Variants in AFAP1L2 observed in about 807,000 individuals in gnomAD.
AFAP1L2 encodes the protein actin filament-associated protein 1-like 2.
A neutral mutation model predicts 99.3 loss-of-function variants in AFAP1L2; 46 were observed. The observed-to-expected ratio is 0.46, with a 90% CI of 0.37 to 0.59. AFAP1L2 has a LOEUF of 0.59. Among genes scored for constraint, AFAP1L2 ranks in the 20% least tolerant of loss-of-function variants. The probability of loss-of-function intolerance (pLI) is 0.00; values close to 1 mark genes in which losing one functional copy is unlikely to be tolerated. For missense variants in AFAP1L2, 959 were observed against 1,034.9 expected (o/e 0.93, Z 1.01); for synonymous variants, 397 against 419.1 (o/e 0.95, Z 0.64).
chr10:114,297,467 G>T, intron 16 of AFAP1L2, 54 bp from the exon 17 acceptor site: 12 of 1,568,406 alleles, frequency 7.7e-6, no homozygotes, highest in Non-Finnish European at 1.0e-5. Context: ...CCAGGCCAGG[G>T]AGCCCTGCTG....
At chr10:114,335,854 C>G (rs558989172) in intron 2 of AFAP1L2, among the ~76,000 whole-genome samples, 1 of 152,060 alleles carries the variant, frequency 6.6e-6, no homozygotes, top group Non-Finnish European at 1.5e-5. Flanking sequence ...ATAAAAATAA[C>G]GTAAAGCAGA....
At position 114,304,905 on chromosome 10, in the gene AFAP1L2, G is replaced by A. The variant is rs7075067; in HGVS notation, c.1098C>T (p.Ser366=). ...CAGAGCACCAGCGAGACTTCCACTG[G>A]CTGTTCACCAGCACGTTCAGGTAAC... ...TSSYLNVLVN[S]QWKSRWCSVR... Residue 366 remains serine, a synonymous_variant, in exon 11 of 19, where the codon AGC becomes AGT. Coordinates refer to ENST00000304129, the MANE Select transcript of AFAP1L2 (RefSeq NM_001001936.3). 2 of 1,613,226 alleles carry A rather than the reference G, an allele frequency of 1.2e-6. No individual in the cohort carries two copies. Among genetic ancestry groups the A allele is most frequent in the Non-Finnish European group, 8.5e-7 (1 of 1,180,026 alleles).
intron 6 of AFAP1L2, 35 bp downstream of exon 6, chr10:114,315,525 G>T: frequency 6.2e-7 from 1 of 1,603,756 alleles, no homozygotes; most frequent in East Asian, 2.2e-5. Context: ...CCAAGGAGAG[G>T]AGTCGGGGGA....
At position 114,302,561 on chromosome 10, in the gene AFAP1L2, ACCGTAC is replaced by A. The variant is rs1021733131; in HGVS notation, c.1285-83_1285-78del. ...GCCAGCCCCTCCCCACCAGGCCATG[ACCGTAC>A]CCCTACCCCTGAGCCTGCCCACGAA... On this transcript the variant is annotated intron_variant, in intron 11 of 18. Transcript: ENST00000304129. The A allele has an allele frequency of 8.2e-6, 13 of 1,576,134 alleles. No individual in the cohort carries two copies. In the African/African-American group the frequency reaches 1.6e-4, roughly 20 times the overall value.
chr10:114,396,767 C>T (rs183454708), intron 1 of AFAP1L2, among the ~76,000 whole-genome samples: 301 of 152,324 alleles, frequency 2.0e-3, no homozygotes, highest in Non-Finnish European at 3.5e-3. Flanking sequence ...CTCTTATATT[C>T]CATGGTCCTC....
chr10:114,290,349 C>T, downstream of AFAP1L2: 1 of 1,550,484 alleles, frequency 6.4e-7, no homozygotes, highest in Non-Finnish European at 8.7e-7. Flanking sequence ...GCTGGGAGGG[C>T]CCCCACTGCG....
At chr10:114,352,785 A>G (rs2050737822) in intron 1 of AFAP1L2, among the ~76,000 whole-genome samples, 2 of 152,368 alleles carry the variant, frequency 1.3e-5, no homozygotes, top group Admixed American at 6.5e-5. Context: ...GTTTTTCTCC[A>G]TCCTTCTGCC....
chr10:114,402,317 GC>G (rs1449607705), intron 1 of AFAP1L2, among the ~76,000 whole-genome samples: 2 of 152,186 alleles, frequency 1.3e-5, no homozygotes, highest in Non-Finnish European at 2.9e-5. Flanking sequence ...GGTGTTCAAA[GC>G]ACAACTTATC....
At position 114,295,067 on chromosome 10, in the gene AFAP1L2, A is replaced by C; in HGVS notation, c.*975T>G. 1 of 985,628 alleles carries C rather than the reference A, an allele frequency of 1.0e-6. No homozygotes were observed. The highest frequency in any genetic ancestry group is 4.7e-5 in the South Asian group (1 of 21,264). 61.1% of individuals were successfully genotyped at this position (985,628 alleles called of 1,614,324 possible). A position where few individuals can be genotyped will look rare whatever the true frequency, so the allele number is the denominator to read the frequency against. On this transcript the variant is annotated 3_prime_UTR_variant, in exon 19 of 19. Coordinates refer to ENST00000304129, the MANE Select transcript of AFAP1L2 (RefSeq NM_001001936.3). The stretch of plus-strand genomic sequence containing the variant: ...CAGAGGAAAAGACAGGGGCAGCACA[A>C]GGAACAGCACTGCCAATTTTAAGAG...
At chr10:114,323,082 G>C in intron 5 of AFAP1L2, 89 bp downstream of exon 5, 1 of 1,202,908 alleles carries the variant, frequency 8.3e-7, no homozygotes, top group Non-Finnish European at 1.2e-6. Context: ...CCCAGGATGA[G>C]TGTATCTGTT....
At chr10:114,317,416 G>A (rs887991289) in intron 5 of AFAP1L2, among the ~76,000 whole-genome samples, 4 of 152,106 alleles carry the variant, frequency 2.6e-5, no homozygotes, top group African/African-American at 7.2e-5. Context: ...ATGGAACCCT[G>A]AACTCTTACG....
intron 1 of AFAP1L2, among the ~76,000 whole-genome samples, chr10:114,372,501 C>G (rs2054249999): frequency 6.6e-6 from 1 of 152,136 alleles, no homozygotes; most frequent in Non-Finnish European, 1.5e-5. Flanking sequence ...CCAAGGGTAG[C>G]CAGCTCCGGA....
downstream of AFAP1L2, among the ~76,000 whole-genome samples, chr10:114,290,541 C>T (rs1433628311): frequency 1.3e-5 from 2 of 152,226 alleles, no homozygotes; most frequent in Non-Finnish European, 2.9e-5. Flanking sequence ...GCATTGTTCT[C>T]AGTGCAGGAA....
Position 114,340,838 on chromosome 10 carries a change from C to T in AFAP1L2, c.17-107G>A, listed in dbSNP as rs771500104. The T allele has an allele frequency of 2.6e-6, 4 of 1,518,328 alleles. No individual in the cohort carries two copies. In the Admixed American group the frequency reaches 6.7e-5, roughly 26 times the overall value. The allele number at this position is 1,518,328 out of a possible 1,614,324, so 94.1% of individuals were successfully genotyped here. On this transcript the variant is annotated intron_variant, in intron 1 of 18. Transcript: ENST00000304129. The stretch of plus-strand genomic sequence containing the variant: ...CCTCCCACCTCGAACCCTCTGGTCC[C>T]AAGAGGAAGGGTTTGGTGTGAGGTC...
intron 2 of AFAP1L2, among the ~76,000 whole-genome samples, chr10:114,334,264 G>C (rs2047620449): frequency 6.6e-6 from 1 of 152,204 alleles, no homozygotes; most frequent in South Asian, 2.1e-4. Context: ...CCTAACTCTT[G>C]CTCCATTTCC....
In AFAP1L2 at chr10:114,314,080, T is replaced by C. The variant is rs202094972; in HGVS notation, c.613-30A>G. 3,169 of 1,591,884 alleles carry C rather than the reference T, an allele frequency of 2.0e-3. 6 individuals are homozygous for C. The highest frequency in any genetic ancestry group is 2.6e-3 in the Non-Finnish European group (2,996 of 1,163,662). On this transcript the variant is annotated intron_variant, in intron 6 of 18. Coordinates refer to ENST00000304129, the MANE Select transcript of AFAP1L2 (RefSeq NM_001001936.3). ...AAGGAAAGAGAGAAGATACACCACT[T>C]TGCCAGGGGTGCCGGGCGGAGGTGA...
intron 1 of AFAP1L2, among the ~76,000 whole-genome samples, chr10:114,362,697 T>C (rs542327525): frequency 1.3e-5 from 2 of 152,076 alleles, no homozygotes; most frequent in Non-Finnish European, 2.9e-5. Context: ...GGAAAATTAA[T>C]ACACCCCCAT....
intron 2 of AFAP1L2, among the ~76,000 whole-genome samples, chr10:114,340,024 A>AG (rs1469669064): frequency 1.9e-4 from 27 of 143,794 alleles, no homozygotes; most frequent in Admixed American, 8.3e-4. Flanking sequence ...AAAAAAAAAA[A>AG]AGAGAGAGAG....
At chr10:114,286,179 T>A in the AFAP1L2 span, 1 of 1,613,906 alleles carries the variant, frequency 6.2e-7, no homozygotes, top group Non-Finnish European at 8.5e-7. Context: ...CTCGATGGCA[T>A]TCCCTTCCGT....
Sources: allele counts gnomAD v4.1 joint callset (sites outside exome capture counted in the v4.1 genomes callset), GRCh38; gene constraint gnomAD v4.1.1; transcripts MANE v1.5; gene names NCBI Gene and HGNC (gene_info 2026-07-23, HGNC 2026-07-21).